PPP1R16B: variants seen among roughly 807,000 people sequenced by gnomAD.
The protein encoded by PPP1R16B is protein phosphatase 1 regulatory inhibitor subunit 16B.
In PPP1R16B, 14 loss-of-function variants were observed where a neutral mutation model predicts 61.7. The observed-to-expected ratio is 0.23, with a 90% CI of 0.15 to 0.35. PPP1R16B has a LOEUF of 0.35. Ranked by LOEUF, PPP1R16B falls within the 10% of genes least tolerant of loss-of-function variation. PPP1R16B has a pLI of 1.00. For synonymous variants in PPP1R16B, 266 were observed against 305.3 expected (o/e 0.87, Z 1.34); for missense variants, 547 against 752.5 (o/e 0.73, Z 3.19).
At chr20:38,917,010 C>A (rs2085547053) in intron 10 of PPP1R16B, among the ~76,000 whole-genome samples, 1 of 152,058 alleles carries the variant, frequency 6.6e-6, no homozygotes, top group South Asian at 2.1e-4. Context: ...TAAAAATTGA[C>A]TTTTGGCTGG....
chr20:38,814,605 A>G (rs1601230078), intron 1 of PPP1R16B, among the ~76,000 whole-genome samples: 1 of 152,294 alleles, frequency 6.6e-6, no homozygotes, highest in East Asian at 1.9e-4. Context: ...GTTAGTCCCT[A>G]GGAGTATTCA....
At position 38,840,191 on chromosome 20, in the gene PPP1R16B, C is replaced by T. The variant is rs151072359; in HGVS notation, c.250+4016C>T. ...CCTGCTGCTTTCAGCAGGCTGGGAACGGCTGCTTCTTGCTGGTGGAGCTGG... is the reference window on the plus strand; with the variant it reads ...CCTGCTGCTTTCAGCAGGCTGGGAATGGCTGCTTCTTGCTGGTGGAGCTGG... On this transcript the variant is annotated intron_variant, in intron 2 of 10. Coordinates refer to ENST00000299824, the MANE Select transcript of PPP1R16B (RefSeq NM_015568.4). Among the ~76,000 whole-genome samples the T allele has an allele frequency of 8.3e-3, 1,258 of 152,320 alleles. 7 individuals are homozygous for T. Among genetic ancestry groups the T allele is most frequent in the Non-Finnish European group, 0.014 (943 of 68,028 alleles).
chr20:38,819,717 T>A (rs2084760866), intron 1 of PPP1R16B, among the ~76,000 whole-genome samples: 2 of 151,928 alleles, frequency 1.3e-5, no homozygotes, highest in Non-Finnish European at 2.9e-5. Flanking sequence ...TTTAAAAACG[T>A]CAATTTCTGG....
chr20:38,882,606 T>C (rs1420272768), intron 2 of PPP1R16B, among the ~76,000 whole-genome samples: 4 of 152,356 alleles, frequency 2.6e-5, no homozygotes, highest in African/African-American at 9.6e-5. Flanking sequence ...ATACTCCTGT[T>C]GTGCCCCATG....
At chr20:38,893,588 G>A (rs1248645272) in intron 3 of PPP1R16B, among the ~76,000 whole-genome samples, 1 of 151,182 alleles carries the variant, frequency 6.6e-6, no homozygotes, top group Non-Finnish European at 1.5e-5. Context: ...GGGAGGAGGC[G>A]GGAGGAGGCG....
At chr20:38,902,836 G>A (rs748385625) in intron 6 of PPP1R16B, 44 bp downstream of exon 6, 5 of 1,612,652 alleles carry the variant, frequency 3.1e-6, no homozygotes, top group Admixed American at 3.3e-5. Flanking sequence ...AGCTAGGTCC[G>A]AAGTGGGCCA....
intron 2 of PPP1R16B, among the ~76,000 whole-genome samples, chr20:38,882,794 C>T (rs1333284469): frequency 6.6e-6 from 1 of 152,108 alleles, no homozygotes; most frequent in Non-Finnish European, 1.5e-5. Context: ...GAGGAGGTGA[C>T]ATTTTGGCTA....
At chr20:38,883,975 CT>C (rs1242301779) in intron 2 of PPP1R16B, among the ~76,000 whole-genome samples, 2 of 152,294 alleles carry the variant, frequency 1.3e-5, no homozygotes, top group East Asian at 1.9e-4. Context: ...ATGGGTCACT[CT>C]GACAAACTGA....
chr20:38,888,157 G>C (rs942042593), intron 2 of PPP1R16B, among the ~76,000 whole-genome samples: 2 of 152,268 alleles, frequency 1.3e-5, no homozygotes, highest in Non-Finnish European at 2.9e-5. Context: ...CCGTAGCGTG[G>C]AGATAGTGTC....
chr20:38,846,023 G>A (rs933674786), intron 2 of PPP1R16B, among the ~76,000 whole-genome samples: 2 of 152,182 alleles, frequency 1.3e-5, no homozygotes, highest in African/African-American at 4.8e-5. Context: ...GAGGGACTCA[G>A]TGATGGCTTT....
rs969814755 is a variant in PPP1R16B, at chr20:38,806,030, A to G, written c.-102+238A>G. Among the ~76,000 whole-genome samples, 2 of 150,050 alleles carry G rather than the reference A, an allele frequency of 1.3e-5. No individual in the cohort carries two copies. Among genetic ancestry groups the G allele is most frequent in the African/African-American group, 4.9e-5 (2 of 40,502 alleles). On this transcript the variant is annotated intron_variant, in intron 1 of 10. Coordinates refer to ENST00000299824, the MANE Select transcript of PPP1R16B (RefSeq NM_015568.4). The surrounding 1 kb of genome is among the most constrained non-coding windows in gnomAD (Gnocchi z 4.5). ...ATGGGGGCGTTCTCCCCGGCCTCGC[A>G]ATTCCTTGACGAGGCCAGGGGAGGG...
intron 2 of PPP1R16B, among the ~76,000 whole-genome samples, chr20:38,844,567 T>C (rs1438727927): frequency 2.0e-5 from 3 of 152,218 alleles, no homozygotes; most frequent in Admixed American, 2.0e-4. Flanking sequence ...TCCCATTTTG[T>C]CACATGGAAT....
chr20:38,910,225 C>G (rs2085477516), intron 10 of PPP1R16B, among the ~76,000 whole-genome samples: 1 of 152,164 alleles, frequency 6.6e-6, no homozygotes, highest in South Asian at 2.1e-4. Context: ...GCAATCCTTA[C>G]CCACTTGGAC....
intron 1 of PPP1R16B, among the ~76,000 whole-genome samples, chr20:38,807,550 A>G (rs185630312): frequency 7.0e-4 from 107 of 152,214 alleles, no homozygotes; most frequent in Non-Finnish European, 1.1e-3. Flanking sequence ...GCCAGCTTGC[A>G]GGAGGCCGGT....
intron 2 of PPP1R16B, among the ~76,000 whole-genome samples, chr20:38,843,168 C>T (rs536503292): frequency 6.6e-6 from 1 of 152,288 alleles, no homozygotes; most frequent in East Asian, 1.9e-4. Context: ...TTACTGTATT[C>T]GAAATTTAAA....
At chr20:38,851,203 G>A (rs374715710) in intron 2 of PPP1R16B, among the ~76,000 whole-genome samples, 8 of 151,454 alleles carry the variant, frequency 5.3e-5, no homozygotes, top group African/African-American at 9.7e-5. Context: ...AGTGGCTCAC[G>A]CCTGTAATCC....
intron 6 of PPP1R16B, among the ~76,000 whole-genome samples, chr20:38,903,619 T>TTCCA (rs1021697488): frequency 1.3e-4 from 19 of 147,426 alleles, no homozygotes; most frequent in Non-Finnish European, 2.9e-4. Context: ...CCATCCATCA[T>TTCCA]TCCATCCATC....
intron 1 of PPP1R16B, among the ~76,000 whole-genome samples, chr20:38,834,056 A>T (rs1270663177): frequency 2.0e-5 from 3 of 151,958 alleles, no homozygotes; most frequent in Non-Finnish European, 2.9e-5. Flanking sequence ...ACAACCATAA[A>T]CCAGCCTTGC....
At chr20:38,880,447 A>G (rs2085196525) in intron 2 of PPP1R16B, among the ~76,000 whole-genome samples, 1 of 152,152 alleles carries the variant, frequency 6.6e-6, no homozygotes, top group Non-Finnish European at 1.5e-5. Flanking sequence ...CAGGAGGATC[A>G]CTTGAGCTGA....
Sources: allele counts gnomAD v4.1 joint callset (sites outside exome capture counted in the v4.1 genomes callset), GRCh38; gene constraint gnomAD v4.1.1; non-coding constraint Gnocchi (gnomAD v3.1); transcripts MANE v1.5; gene names NCBI Gene and HGNC (gene_info 2026-07-23, HGNC 2026-07-21).